GNAO1: variants seen among roughly 807,000 people sequenced by gnomAD.
GNAO1 encodes guanine nucleotide-binding protein G(o) subunit alpha.
For synonymous variants in GNAO1, 164 were observed against 180.7 expected, an observed-to-expected ratio of 0.91 and a Z score of 0.74; for missense variants, 166 against 478.7, an observed-to-expected ratio of 0.35 and a Z score of 6.10.
chr16:56,274,768 A>G (rs1387312897), intron 2 of GNAO1, among the ~76,000 whole-genome samples: 3 of 152,014 alleles, frequency 2.0e-5, no homozygotes, highest in Non-Finnish European at 4.4e-5. Context: ...GGGGCAGGGC[A>G]TGGACAGTAA....
chr16:56,316,799 CT>C (rs1236373831), intron 3 of GNAO1, among the ~76,000 whole-genome samples: 1 of 152,218 alleles, frequency 6.6e-6, no homozygotes, highest in Non-Finnish European at 1.5e-5. Flanking sequence ...CAGCCCTGGG[CT>C]TCACACAGAG....
intron 2 of GNAO1, among the ~76,000 whole-genome samples, chr16:56,227,509 A>G (rs990481300): frequency 2.0e-5 from 3 of 151,934 alleles, no homozygotes; most frequent in Non-Finnish European, 2.9e-5. Context: ...CTAAGACATC[A>G]CTGTGCTTCA....
At chr16:56,209,611 T>C (rs1162656779) in intron 2 of GNAO1, among the ~76,000 whole-genome samples, 2 of 152,228 alleles carry the variant, frequency 1.3e-5, no homozygotes, top group African/African-American at 4.8e-5. Flanking sequence ...GCATGATATG[T>C]TTCACCATTA....
chr16:56,282,210 C>T (rs188220846), intron 3 of GNAO1, among the ~76,000 whole-genome samples: 36 of 152,254 alleles, frequency 2.4e-4, no homozygotes, highest in Admixed American at 5.9e-4. Flanking sequence ...AATTATGTAA[C>T]CTCTCTAAGC....
intron 2 of GNAO1, among the ~76,000 whole-genome samples, chr16:56,232,191 T>A (rs1382683771): frequency 6.6e-6 from 1 of 151,998 alleles, no homozygotes; most frequent in East Asian, 1.9e-4. Context: ...CCTACAAAAA[T>A]AAAAAAAATT....
At chr16:56,277,975 A>C (rs1287224299) in intron 3 of GNAO1, among the ~76,000 whole-genome samples, 1 of 152,124 alleles carries the variant, frequency 6.6e-6, no homozygotes, top group African/African-American at 2.4e-5. Context: ...TTTGGAAAAC[A>C]TTCATTGTTC....
chr16:56,338,266 A>C (rs1400719285), intron 6 of GNAO1, among the ~76,000 whole-genome samples: 1 of 152,040 alleles, frequency 6.6e-6, no homozygotes, highest in Non-Finnish European at 1.5e-5. Flanking sequence ...GCCCACCTGT[A>C]CCCCTGACTT....
At chr16:56,224,843 T>C (rs1320794997) in intron 2 of GNAO1, among the ~76,000 whole-genome samples, 8 of 152,236 alleles carry the variant, frequency 5.3e-5, no homozygotes, top group Admixed American at 3.3e-4. Context: ...TTGGGACTAA[T>C]TTCATCTGTA....
chr16:56,321,790 T>C (rs1344304830), intron 3 of GNAO1, among the ~76,000 whole-genome samples: 1 of 152,182 alleles, frequency 6.6e-6, no homozygotes, highest in Non-Finnish European at 1.5e-5. Context: ...CTGCTGTCTC[T>C]CCTGCAGAAC....
chr16:56,306,043 C>T (rs2037392616), intron 3 of GNAO1, among the ~76,000 whole-genome samples: 1 of 152,220 alleles, frequency 6.6e-6, no homozygotes. Flanking sequence ...CAGGGAGCTT[C>T]CCTGCCGTCC....
At chr16:56,225,901 T>G (rs1325720933) in intron 2 of GNAO1, among the ~76,000 whole-genome samples, 1 of 151,942 alleles carries the variant, frequency 6.6e-6, no homozygotes, top group Non-Finnish European at 1.5e-5. Context: ...GAGAGCTTCC[T>G]GAAGGAATGA....
chr16:56,341,052 A>C (rs1596875661), intron 6 of GNAO1: 1 of 1,345,408 alleles, frequency 7.4e-7, no homozygotes. Flanking sequence ...AGCCCAGTCC[A>C]CCCTTCCTGT....
In GNAO1 at chr16:56,345,692, G is replaced by A. The variant is rs556877875; in HGVS notation, c.724-5692G>A. ...GGGACGTGGCAGAGGACAGGCCCTG[G>A]GAACCAACAGTGTCCTACCATGGAC... On this transcript the variant is annotated intron_variant, in intron 6 of 8. Coordinates refer to ENST00000262493, the MANE Select transcript of GNAO1 (RefSeq NM_020988.3). The A allele has an allele frequency of 3.9e-5, 38 of 985,522 alleles. No homozygotes were observed. In the African/African-American group the frequency reaches 6.5e-4, roughly 17 times the overall value. The allele number at this position is 985,522 out of a possible 1,614,324, so 61.0% of individuals were successfully genotyped here. A position where few individuals can be genotyped will look rare whatever the true frequency, so the allele number is the denominator to read the frequency against.
At chr16:56,332,319 C>T (rs1487511255) in intron 4 of GNAO1, among the ~76,000 whole-genome samples, 1 of 152,196 alleles carries the variant, frequency 6.6e-6, no homozygotes, top group African/African-American at 2.4e-5. Flanking sequence ...GGCCCCTCCA[C>T]GTGTGCTTCC....
At chr16:56,224,901 C>T (rs1364988362) in intron 2 of GNAO1, among the ~76,000 whole-genome samples, 1 of 152,230 alleles carries the variant, frequency 6.6e-6, no homozygotes, top group Non-Finnish European at 1.5e-5. Context: ...GTTTCAGGTG[C>T]CCTTTAGAGG....
chr16:56,320,842 G>T lies in GNAO1; in HGVS notation c.304-7789G>T, dbSNP rs552826840. On this transcript the variant is annotated intron_variant, in intron 3 of 8. Transcript: ENST00000262493. ...TAGAACCACTGTAACTGGGACAGTGGTGGGAAGAGGGACCCACTCCTTCAT... is the reference window on the plus strand; with the variant it reads ...TAGAACCACTGTAACTGGGACAGTGTTGGGAAGAGGGACCCACTCCTTCAT... Among the ~76,000 whole-genome samples the T allele has an allele frequency of 5.3e-5, 8 of 152,336 alleles. No individual in the cohort carries two copies. The South Asian group carries it at 1.7e-3, about 32-fold the overall frequency.
intron 2 of GNAO1, among the ~76,000 whole-genome samples, chr16:56,274,350 C>T (rs1406560357): frequency 6.6e-6 from 1 of 152,166 alleles, no homozygotes; most frequent in Non-Finnish European, 1.5e-5. Flanking sequence ...GCACCAGTGG[C>T]CTGTACTGGT....
chr16:56,298,664 G>T (rs531840354), intron 3 of GNAO1, among the ~76,000 whole-genome samples: 1 of 152,176 alleles, frequency 6.6e-6, no homozygotes, highest in Admixed American at 6.5e-5. Context: ...TGTAATCCCA[G>T]CACTTTAGGA....
At chr16:56,321,679 CAA>C (rs1161847726) in intron 3 of GNAO1, among the ~76,000 whole-genome samples, 4 of 152,100 alleles carry the variant, frequency 2.6e-5, no homozygotes, top group African/African-American at 9.7e-5. Context: ...TGCCGTAAAA[CAA>C]GAGAAAAAAG....
Sources: allele counts gnomAD v4.1 joint callset (sites outside exome capture counted in the v4.1 genomes callset), GRCh38; gene constraint gnomAD v4.1.1; transcripts MANE v1.5; gene names NCBI Gene and HGNC (gene_info 2026-07-23, HGNC 2026-07-21).